FRMD5: variants seen among roughly 807,000 people sequenced by gnomAD.
FRMD5 encodes FERM domain containing 5.
In FRMD5, 20 loss-of-function variants were observed where a neutral mutation model predicts 69.0. That is an observed-to-expected ratio of 0.29 (90% CI 0.20 to 0.42). FRMD5 has a LOEUF of 0.42. Ranked by LOEUF, FRMD5 falls within the 10% of genes least tolerant of loss-of-function variation. The pLI is 1.00. For synonymous variants in FRMD5, 271 were observed against 260.1 expected (o/e 1.04, Z -0.40); for missense variants, 595 against 708.6 (o/e 0.84, Z 1.82).
chr15:44,086,607 A>G (rs763118207), intron 1 of FRMD5, among the ~76,000 whole-genome samples: 8 of 152,184 alleles, frequency 5.3e-5, no homozygotes, highest in Non-Finnish European at 8.8e-5. Flanking sequence ...GGGTGATGAA[A>G]GTATTCTGGA....
chr15:43,998,106 A>G (rs1890023307), intron 1 of FRMD5, among the ~76,000 whole-genome samples: 1 of 152,168 alleles, frequency 6.6e-6, no homozygotes, highest in African/African-American at 2.4e-5. Flanking sequence ...GAACTAAGGT[A>G]TTGTCATCAG....
intron 1 of FRMD5, among the ~76,000 whole-genome samples, chr15:43,992,527 G>A (rs957779326): frequency 2.0e-5 from 3 of 152,040 alleles, no homozygotes; most frequent in Admixed American, 6.6e-5. Flanking sequence ...ACAGGTGCAT[G>A]CTACTATGCC....
intron 1 of FRMD5, among the ~76,000 whole-genome samples, chr15:44,037,143 C>T (rs1031630288): frequency 1.3e-5 from 2 of 152,120 alleles, no homozygotes; most frequent in Non-Finnish European, 2.9e-5. Context: ...CCTAGCTCCC[C>T]CAACCCCCGA....
chr15:44,049,846 T>C (rs75701387), intron 1 of FRMD5, among the ~76,000 whole-genome samples: 17 of 152,342 alleles, frequency 1.1e-4, no homozygotes, highest in Non-Finnish European at 2.4e-4. Context: ...AGTTCTCCAA[T>C]TGGGAATGAT....
intron 4 of FRMD5, among the ~76,000 whole-genome samples, chr15:43,912,077 C>T (rs1267676304): frequency 1.3e-5 from 2 of 152,114 alleles, no homozygotes; most frequent in African/African-American, 4.8e-5. Flanking sequence ...TAGGCCCATC[C>T]TACACTTCCA....
chr15:44,131,384 C>T (rs1020530464), intron 1 of FRMD5, among the ~76,000 whole-genome samples: 5 of 66,700 alleles, frequency 7.5e-5, no homozygotes, highest in Admixed American at 2.0e-4. Flanking sequence ...GAAAACAATA[C>T]GGCAATTCCT....
chr15:43,924,085 A>G, intron 2 of FRMD5, 120 bp downstream of exon 2: 1 of 777,024 alleles, frequency 1.3e-6, no homozygotes, highest in Non-Finnish European at 2.3e-6. Flanking sequence ...ACGACATCCA[A>G]CTGCAGGGTC....
chr15:44,093,762 C>T (rs985431406), intron 1 of FRMD5, among the ~76,000 whole-genome samples: 48 of 151,678 alleles, frequency 3.2e-4, no homozygotes, highest in African/African-American at 9.9e-4. Context: ...TTAGTAGAGA[C>T]GGGGTTTCAC....
chr15:44,036,738 C>A (rs1244373028), intron 1 of FRMD5, among the ~76,000 whole-genome samples: 5 of 152,186 alleles, frequency 3.3e-5, no homozygotes, highest in Non-Finnish European at 7.3e-5. Flanking sequence ...TAAGTAATGA[C>A]ACTTGTTTCT....
At chr15:44,190,716 G>C (rs938149315) in intron 1 of FRMD5, among the ~76,000 whole-genome samples, 2 of 152,166 alleles carry the variant, frequency 1.3e-5, no homozygotes, top group East Asian at 1.9e-4. Flanking sequence ...AAACTATAAA[G>C]AGTTATACAG....
At chr15:44,188,966 CT>C (rs1346331075) in intron 1 of FRMD5, among the ~76,000 whole-genome samples, 6 of 152,074 alleles carry the variant, frequency 3.9e-5, no homozygotes, top group African/African-American at 1.4e-4. Context: ...GCTATAATCA[CT>C]GTCAAAGGGG....
At chr15:44,177,103 G>A (rs1348234428) in intron 1 of FRMD5, among the ~76,000 whole-genome samples, 4 of 152,120 alleles carry the variant, frequency 2.6e-5, no homozygotes, top group South Asian at 2.1e-4. Context: ...AAAAGGGTTT[G>A]GCAGTTTGCT....
intron 1 of FRMD5, among the ~76,000 whole-genome samples, chr15:43,945,917 A>T (rs923797178): frequency 1.3e-5 from 2 of 152,128 alleles, no homozygotes; most frequent in Non-Finnish European, 2.9e-5. Context: ...TTAGCTGGGC[A>T]TGGTGGCATG....
At chr15:44,133,315 A>G (rs576360623) in intron 1 of FRMD5, among the ~76,000 whole-genome samples, 1 of 152,098 alleles carries the variant, frequency 6.6e-6, no homozygotes, top group African/African-American at 2.4e-5. Flanking sequence ...GGTGGCTCAC[A>G]TCTGTAATCC....
At chr15:44,122,041 C>A (rs908612986) in intron 1 of FRMD5, among the ~76,000 whole-genome samples, 3 of 145,232 alleles carry the variant, frequency 2.1e-5, no homozygotes, top group African/African-American at 7.6e-5. Flanking sequence ...CACTGTAACA[C>A]ATGAAATATA....
chr15:44,100,660 A>C (rs147774777), intron 1 of FRMD5, among the ~76,000 whole-genome samples: 1 of 152,188 alleles, frequency 6.6e-6, no homozygotes, highest in Non-Finnish European at 1.5e-5. Context: ...ACAACCATCA[A>C]TGAGACACAG....
intron 1 of FRMD5, among the ~76,000 whole-genome samples, chr15:44,064,908 A>G (rs1662939548): frequency 6.6e-6 from 1 of 152,246 alleles, no homozygotes; most frequent in African/African-American, 2.4e-5. Flanking sequence ...TCACAGTATC[A>G]TGGGTATATT....
At chr15:43,899,507 G>A (rs545885930) in intron 7 of FRMD5, among the ~76,000 whole-genome samples, 37 of 152,244 alleles carry the variant, frequency 2.4e-4, no homozygotes, top group African/African-American at 8.7e-4. Context: ...TTGGCCTCCT[G>A]GAATGCCAGT....
intron 1 of FRMD5, among the ~76,000 whole-genome samples, chr15:43,968,322 A>G (rs1216221026): frequency 2.0e-5 from 3 of 152,200 alleles, no homozygotes; most frequent in South Asian, 2.1e-4. Flanking sequence ...TTCCTTGCCA[A>G]TGGAGTATTT....
Sources: gnomAD v4.1 joint callset for allele counts (sites outside exome capture counted in the v4.1 genomes callset) on GRCh38, gnomAD v4.1.1 for gene constraint, MANE v1.5 for transcripts, NCBI Gene and HGNC (gene_info 2026-07-23, HGNC 2026-07-21) for gene names.